Variants in DLC1 observed in about 807,000 individuals in gnomAD.
The protein encoded by DLC1 is DLC1 Rho GTPase activating protein.
DLC1 carries 54 observed loss-of-function variants against 140.3 expected under a neutral mutation model. The observed-to-expected ratio is 0.38, with a 90% CI of 0.31 to 0.48. The LOEUF (loss-of-function observed/expected upper bound fraction) is 0.48, where lower values mean the gene tolerates loss of function less well. Among genes scored for constraint, DLC1 ranks in the 20% least tolerant of loss-of-function variants. DLC1 has a pLI of 0.96. For missense variants in DLC1, 2,536 were observed against 1,907.0 expected, an observed-to-expected ratio of 1.33 and a Z score of -6.14; for synonymous variants, 986 against 728.1, an observed-to-expected ratio of 1.35 and a Z score of -5.70.
At chr8:13,295,938 C>CTTTTTTTTTTTTTTTT (rs34697767) in intron 5 of DLC1, among the ~76,000 whole-genome samples, 3 of 53,344 alleles carry the variant, frequency 5.6e-5, no homozygotes, top group Non-Finnish European at 1.1e-4. Flanking sequence ...AGATAAGATT[C>CTTTTTTTTTTTTTTTT]TTTGTTTTTT....
chr8:13,179,714 C>G (rs1314871886), intron 5 of DLC1, among the ~76,000 whole-genome samples: 1 of 151,888 alleles, frequency 6.6e-6, no homozygotes, highest in Admixed American at 6.6e-5. Context: ...GTGCAAGACT[C>G]AGTCTCAAAA....
chr8:13,535,583 A>G (rs1803248740), intron 1 of DLC1, among the ~76,000 whole-genome samples: 1 of 150,550 alleles, frequency 6.6e-6, no homozygotes, highest in African/African-American at 2.4e-5. Context: ...CAGGGACATA[A>G]CTGTTGGAAA....
chr8:13,252,639 T>G (rs939897241), intron 5 of DLC1, among the ~76,000 whole-genome samples: 3 of 152,206 alleles, frequency 2.0e-5, no homozygotes, highest in African/African-American at 7.2e-5. Flanking sequence ...TAGAAATCTT[T>G]CTCAGTAAGA....
intron 5 of DLC1, among the ~76,000 whole-genome samples, chr8:13,164,262 ACTCAAAC>A (rs1320287491): frequency 6.6e-6 from 1 of 151,022 alleles, no homozygotes; most frequent in East Asian, 2.0e-4. Context: ...AAGCCATTGC[ACTCAAAC>A]CTGGGGGACA....
intron 1 of DLC1, among the ~76,000 whole-genome samples, chr8:13,598,663 C>A (rs1442133275): frequency 6.6e-6 from 1 of 151,922 alleles, no homozygotes. Flanking sequence ...TCTTACATAA[C>A]TCAATATAAT....
chr8:13,294,796 T>A, intron 5 of DLC1, among the ~76,000 whole-genome samples: 1 of 152,176 alleles, frequency 6.6e-6, no homozygotes, highest in Admixed American at 6.5e-5. Context: ...CTTTGAATCC[T>A]GATTTGGCCA....
intron 5 of DLC1, among the ~76,000 whole-genome samples, chr8:13,291,415 G>A (rs55818733): frequency 0.069 from 10,539 of 152,142 alleles, 442 homozygotes; most frequent in South Asian, 0.12. Flanking sequence ...ATTTATTTCT[G>A]TCTGCTCCAT....
At chr8:13,584,462 G>C (rs1805232200) in intron 1 of DLC1, 1 of 152,338 alleles carries the variant, frequency 6.6e-6, no homozygotes, top group Non-Finnish European at 1.5e-5. Flanking sequence ...CAATGAAAAA[G>C]TTATACTGAC....
intron 5 of DLC1, among the ~76,000 whole-genome samples, chr8:13,252,386 G>A (rs1431592207): frequency 1.3e-5 from 2 of 152,192 alleles, no homozygotes; most frequent in Admixed American, 6.5e-5. Context: ...AAACCCTGCT[G>A]CACGAGAGGG....
intron 2 of DLC1, among the ~76,000 whole-genome samples, chr8:13,473,908 G>A (rs574426867): frequency 2.6e-5 from 4 of 152,284 alleles, no homozygotes; most frequent in East Asian, 3.9e-4. Flanking sequence ...AGAAAGCAGA[G>A]TATTAAAGTT....
chr8:13,311,524 C>T (rs1009972982), intron 4 of DLC1, among the ~76,000 whole-genome samples: 5 of 152,142 alleles, frequency 3.3e-5, no homozygotes, highest in Non-Finnish European at 7.4e-5. Context: ...ATCTGAGAAA[C>T]GTCATTGATG....
chr8:13,467,782 C>A (rs1194555375), intron 2 of DLC1, among the ~76,000 whole-genome samples: 1 of 152,138 alleles, frequency 6.6e-6, no homozygotes, highest in African/African-American at 2.4e-5. Context: ...ACTTTTTCTG[C>A]ATCTCTTCAT....
chr8:13,359,007 A>C (rs904695645), intron 4 of DLC1, among the ~76,000 whole-genome samples: 2 of 152,166 alleles, frequency 1.3e-5, no homozygotes, highest in African/African-American at 4.8e-5. Context: ...GGCGCGATCT[A>C]GGCTCACTGC....
chr8:13,543,146 A>G (rs1309009565), intron 1 of DLC1, among the ~76,000 whole-genome samples: 2 of 152,198 alleles, frequency 1.3e-5, no homozygotes, highest in Non-Finnish European at 2.9e-5. Context: ...GTTGGTATTT[A>G]GCAAATATTT....
chr8:13,471,633 G>C (rs1014421524), intron 2 of DLC1, among the ~76,000 whole-genome samples: 1 of 151,716 alleles, frequency 6.6e-6, no homozygotes, highest in Non-Finnish European at 1.5e-5. Flanking sequence ...AAAACCCTAT[G>C]ACACGAGTTT....
At chr8:13,566,087 G>A (rs1455854571) in intron 1 of DLC1, among the ~76,000 whole-genome samples, 1 of 151,964 alleles carries the variant, frequency 6.6e-6, no homozygotes, top group East Asian at 1.9e-4. Context: ...CATACTAGTC[G>A]GCAACACCGA....
In DLC1 at chr8:13,567,507, T is replaced by G. The variant is rs1804489801; in HGVS notation, c.-126+37030A>C. The G allele has an allele frequency of 1.9e-6, 3 of 1,552,052 alleles. No homozygotes were observed. In the East Asian group the frequency reaches 7.3e-5, roughly 38 times the overall value. On this transcript the variant is annotated intron_variant, in intron 1 of 1. Coordinates refer to the DLC1 transcript ENST00000631382. Reference sequence around the variant, plus strand: ...TTAGTTGTACTGTACCCGATGAACTTTTGAACAGAATCTACTTTAAAAACA... The same window carrying G: ...TTAGTTGTACTGTACCCGATGAACTGTTGAACAGAATCTACTTTAAAAACA...
At chr8:13,554,483 G>A (rs74528021) in intron 1 of DLC1, among the ~76,000 whole-genome samples, 1,661 of 152,206 alleles carry the variant, frequency 0.011, 17 homozygotes, top group Non-Finnish European at 0.016. Context: ...AGCCATCTCA[G>A]AGGTAAAATT....
intron 1 of DLC1, chr8:13,558,200 T>C (rs62492129): frequency 0.23 from 34,423 of 152,116 alleles, 4,217 homozygotes; most frequent in East Asian, 0.33. Context: ...TTGAGTGCTT[T>C]CTCCCTGGTT....
Sources: allele counts gnomAD v4.1 joint callset (sites outside exome capture counted in the v4.1 genomes callset), GRCh38; gene constraint gnomAD v4.1.1; transcripts MANE v1.5; gene names NCBI Gene and HGNC (gene_info 2026-07-23, HGNC 2026-07-21).